TBC1D5: variants seen among roughly 807,000 people sequenced by gnomAD.
TBC1D5 encodes the protein TBC1 domain family member 5, also known as TBC1 domain family, member 5.
A neutral mutation model predicts 100.3 loss-of-function variants in TBC1D5; 75 were observed. That is an observed-to-expected ratio of 0.75 (90% CI 0.62 to 0.91). TBC1D5 has a LOEUF of 0.91. Among genes scored for constraint, TBC1D5 ranks in the 40% least tolerant of loss-of-function variants. TBC1D5 has a pLI of 0.00. For missense variants in TBC1D5, 910 were observed against 942.4 expected, an observed-to-expected ratio of 0.97 and a Z score of 0.45; for synonymous variants, 323 against 325.6, an observed-to-expected ratio of 0.99 and a Z score of 0.09.
intron 8 of TBC1D5, among the ~76,000 whole-genome samples, chr3:17,384,878 A>G (rs1472871519): frequency 6.6e-6 from 1 of 152,122 alleles, no homozygotes; most frequent in African/African-American, 2.4e-5. Flanking sequence ...TGAATTTCCA[A>G]CTATGGAAAC....
chr3:17,265,438 A>G (rs1244054915), intron 15 of TBC1D5, among the ~76,000 whole-genome samples: 1 of 152,120 alleles, frequency 6.6e-6, no homozygotes, highest in Non-Finnish European at 1.5e-5. Flanking sequence ...TAAAGCTCTG[A>G]AGGAGAAACA....
At chr3:17,560,517 G>A (rs2096551614) in intron 2 of TBC1D5, among the ~76,000 whole-genome samples, 2 of 151,838 alleles carry the variant, frequency 1.3e-5, no homozygotes, top group African/African-American at 4.8e-5. Context: ...TAGTCAGGAG[G>A]CTTCAGCAGG....
At chr3:17,722,092 G>A (rs1300459144) in intron 1 of TBC1D5, among the ~76,000 whole-genome samples, 1 of 152,022 alleles carries the variant, frequency 6.6e-6, no homozygotes, top group Non-Finnish European at 1.5e-5. Flanking sequence ...AAATCAACAG[G>A]TAAAGCCTTA....
intron 15 of TBC1D5, among the ~76,000 whole-genome samples, chr3:17,288,987 G>A (rs866328543): frequency 1.3e-5 from 2 of 152,182 alleles, no homozygotes; most frequent in Non-Finnish European, 2.9e-5. Flanking sequence ...ACTGGGTTGC[G>A]GACAACAGGA....
chr3:17,347,243 T>C (rs2090013351), intron 13 of TBC1D5, among the ~76,000 whole-genome samples: 2 of 152,120 alleles, frequency 1.3e-5, no homozygotes, highest in Admixed American at 6.5e-5. Flanking sequence ...ACAGTATTCG[T>C]TTTTGTCTAA....
chr3:17,247,044 G>GT, intron 16 of TBC1D5, among the ~76,000 whole-genome samples: 1 of 152,270 alleles, frequency 6.6e-6, no homozygotes, highest in South Asian at 2.1e-4. Context: ...GGGTCACACT[G>GT]TATCAGTCTG....
intron 16 of TBC1D5, among the ~76,000 whole-genome samples, chr3:17,241,892 A>G (rs924901396): frequency 3.3e-5 from 5 of 152,242 alleles, no homozygotes; most frequent in African/African-American, 1.2e-4. Context: ...ACCCCAAATT[A>G]TCTCATAAAA....
chr3:17,449,453 C>T (rs1373333776), intron 3 of TBC1D5, among the ~76,000 whole-genome samples: 1 of 152,176 alleles, frequency 6.6e-6, no homozygotes, highest in Non-Finnish European at 1.5e-5. Flanking sequence ...GGATCCCACC[C>T]CCACAAAGCC....
At chr3:17,675,616 C>T (rs977531146) in intron 1 of TBC1D5, among the ~76,000 whole-genome samples, 1 of 152,068 alleles carries the variant, frequency 6.6e-6, no homozygotes, top group Non-Finnish European at 1.5e-5. Flanking sequence ...TAAATTAAAG[C>T]AATTATATTT....
chr3:17,534,601 T>G (rs1405331503), intron 2 of TBC1D5, among the ~76,000 whole-genome samples: 1 of 152,112 alleles, frequency 6.6e-6, no homozygotes, highest in Admixed American at 6.5e-5. Context: ...CCTCCACTTC[T>G]CTCCAGCATT....
At chr3:17,341,542 A>G (rs1363674559) in intron 13 of TBC1D5, among the ~76,000 whole-genome samples, 2 of 152,128 alleles carry the variant, frequency 1.3e-5, no homozygotes, top group Non-Finnish European at 2.9e-5. Context: ...TGTAGATGAG[A>G]AACTGCAGCC....
At chr3:17,704,100 G>T (rs2073617231) in intron 1 of TBC1D5, among the ~76,000 whole-genome samples, 1 of 142,924 alleles carries the variant, frequency 7.0e-6, no homozygotes, top group African/African-American at 2.6e-5. Context: ...CTGATTACTT[G>T]AGATTAGGGA....
At chr3:17,339,662 A>C (rs556936349) in intron 13 of TBC1D5, among the ~76,000 whole-genome samples, 1 of 152,352 alleles carries the variant, frequency 6.6e-6, no homozygotes, top group African/African-American at 2.4e-5. Context: ...ATTAGAAAGG[A>C]TATATGTGTA....
intron 13 of TBC1D5, among the ~76,000 whole-genome samples, chr3:17,339,855 C>A (rs1010813285): frequency 1.3e-5 from 2 of 152,054 alleles, no homozygotes; most frequent in East Asian, 3.9e-4. Context: ...AATGCTAGGG[C>A]AAACACATAC....
chr3:17,513,459 A>G (rs766101837), intron 2 of TBC1D5, among the ~76,000 whole-genome samples: 1 of 152,238 alleles, frequency 6.6e-6, no homozygotes, highest in Non-Finnish European at 1.5e-5. Context: ...GCACCACATG[A>G]GCAGAACCTC....
At chr3:17,281,540 T>C (rs543747865) in intron 15 of TBC1D5, among the ~76,000 whole-genome samples, 1 of 152,340 alleles carries the variant, frequency 6.6e-6, no homozygotes, top group African/African-American at 2.4e-5. Flanking sequence ...GTCCAGTCAC[T>C]ACTGAGGTAT....
At chr3:17,453,132 A>T (rs749894364) in intron 3 of TBC1D5, among the ~76,000 whole-genome samples, 59 of 151,848 alleles carry the variant, frequency 3.9e-4, no homozygotes, top group Non-Finnish European at 7.7e-4. Context: ...ATGGAAACAC[A>T]ACACACCAAA....
intron 2 of TBC1D5, among the ~76,000 whole-genome samples, chr3:17,617,405 G>A (rs905581228): frequency 6.6e-6 from 1 of 152,098 alleles, no homozygotes; most frequent in Non-Finnish European, 1.5e-5. Context: ...GTATCTTTGT[G>A]GTGTTCTCTG....
intron 3 of TBC1D5, among the ~76,000 whole-genome samples, chr3:17,494,030 G>C (rs187744250): frequency 6.6e-6 from 1 of 152,112 alleles, no homozygotes; most frequent in African/African-American, 2.4e-5. Context: ...GCGTTTTTGC[G>C]CTTATTTTTT....
Sources: gnomAD v4.1 joint callset for allele counts (sites outside exome capture counted in the v4.1 genomes callset) on GRCh38, gnomAD v4.1.1 for gene constraint, MANE v1.5 for transcripts, NCBI Gene and HGNC (gene_info 2026-07-23, HGNC 2026-07-21) for gene names.